The following ZSCAN4 variants were observed in gnomAD, a reference collection of about 807,000 sequenced individuals.
ZSCAN4 encodes zinc finger and SCAN domain-containing protein 4.
Under a neutral mutation model 18.3 loss-of-function variants are expected in ZSCAN4, and 18 were observed. That is an observed-to-expected ratio of 0.98 (90% CI 0.68 to 1.46). The LOEUF is 1.46. Ranked by LOEUF, ZSCAN4 falls within the 40% of genes most tolerant of loss-of-function variation. The pLI is 0.00. For missense variants in ZSCAN4, 498 were observed against 511.4 expected, an observed-to-expected ratio of 0.97 and a Z score of 0.25; for synonymous variants, 193 against 180.3, an observed-to-expected ratio of 1.07 and a Z score of -0.57.
chr19:57,663,963 C>A (rs1983784969), upstream of ZSCAN4, among the ~76,000 whole-genome samples: 1 of 152,000 alleles, frequency 6.6e-6, no homozygotes, highest in Admixed American at 6.5e-5. Flanking sequence ...CCCGTCTCTA[C>A]TAAAAACACC....
chr19:57,651,917 A>G, the ZSCAN4 span, among the ~76,000 whole-genome samples: 1 of 152,000 alleles, frequency 6.6e-6, no homozygotes, highest in East Asian at 1.9e-4. Flanking sequence ...GATTCCTCTC[A>G]TATTTCCAGA....
chr19:57,659,684 G>A, the ZSCAN4 span, among the ~76,000 whole-genome samples: 1 of 152,036 alleles, frequency 6.6e-6, no homozygotes, highest in South Asian at 2.1e-4. Flanking sequence ...TTTGTTCTAT[G>A]GGATGACTAA....
upstream of ZSCAN4, among the ~76,000 whole-genome samples, chr19:57,666,479 G>A (rs1983850762): frequency 6.6e-6 from 1 of 152,004 alleles, no homozygotes; most frequent in Admixed American, 6.6e-5. Context: ...ATTTAGAACC[G>A]GATGAATGTT....
chr19:57,665,842 G>T (rs1004572527), upstream of ZSCAN4, among the ~76,000 whole-genome samples: 2 of 152,114 alleles, frequency 1.3e-5, no homozygotes, highest in African/African-American at 4.8e-5. Flanking sequence ...AACCCGGGAG[G>T]TGGAGGTTGT....
intron 3 of ZSCAN4, among the ~76,000 whole-genome samples, 174 bp from the exon 4 acceptor site, chr19:57,677,740 T>C (rs931840791): frequency 6.6e-6 from 1 of 152,216 alleles, no homozygotes; most frequent in Non-Finnish European, 1.5e-5. Flanking sequence ...CATGTGACTT[T>C]ATTAAACATA....
upstream of ZSCAN4, among the ~76,000 whole-genome samples, chr19:57,668,360 T>A (rs952664985): frequency 3.3e-5 from 5 of 152,112 alleles, no homozygotes; most frequent in Non-Finnish European, 4.4e-5. Context: ...GTATGGAGTA[T>A]ATGTGGATGA....
At chr19:57,661,953 C>T in the ZSCAN4 span, among the ~76,000 whole-genome samples, 5 of 151,792 alleles carry the variant, frequency 3.3e-5, no homozygotes, top group African/African-American at 1.2e-4. Context: ...TGGTGGTGCA[C>T]GCCTGTAGTC....
At chr19:57,659,841 C>T in the ZSCAN4 span, among the ~76,000 whole-genome samples, 1 of 152,144 alleles carries the variant, frequency 6.6e-6, no homozygotes, top group Non-Finnish European at 1.5e-5. Flanking sequence ...TTTATTTTTA[C>T]TTTTTCATTT....
the ZSCAN4 span, among the ~76,000 whole-genome samples, chr19:57,656,317 G>A: frequency 6.6e-6 from 1 of 152,152 alleles, no homozygotes; most frequent in Non-Finnish European, 1.5e-5. Flanking sequence ...ACACCCAGGA[G>A]GAACAAGTCA....
chr19:57,661,693 T>C, the ZSCAN4 span, among the ~76,000 whole-genome samples: 4 of 152,136 alleles, frequency 2.6e-5, no homozygotes, highest in African/African-American at 9.7e-5. Context: ...GCTATTGAGG[T>C]AAAAGTGAGT....
chr19:57,674,551 T>C (rs570261513), intron 2 of ZSCAN4, among the ~76,000 whole-genome samples: 1 of 152,344 alleles, frequency 6.6e-6, no homozygotes, highest in Non-Finnish European at 1.5e-5. Context: ...ATTTCACATT[T>C]TCTTTATCCA....
the ZSCAN4 span, among the ~76,000 whole-genome samples, chr19:57,652,327 A>T: frequency 1.3e-5 from 2 of 152,158 alleles, no homozygotes; most frequent in Non-Finnish European, 2.9e-5. Context: ...TGAACTTCCA[A>T]ATTCAACGTG....
At chr19:57,678,421 G>A (rs1306532430) in exon 5 of ZSCAN4, 2 of 1,614,014 alleles carry the variant, frequency 1.2e-6, no homozygotes, top group South Asian at 1.1e-5. Context: ...ATGGGAGCAG[G>A]GTGTATCTCT....
At chr19:57,666,172 G>A (rs1013186966), upstream of ZSCAN4, among the ~76,000 whole-genome samples, 1 of 152,168 alleles carries the variant, frequency 6.6e-6, no homozygotes, top group Admixed American at 6.5e-5. Context: ...GGTTCCTACA[G>A]GTCCTGTACA....
rs777863769 is a variant in ZSCAN4 at position 57,676,420 on chromosome 19, TTA to T, written c.277_278del (p.Met93AspfsTer7). 2.5e-6 allele frequency: 4 copies of T among 1,614,196 alleles called. No homozygotes were observed. The South Asian group carries it at 4.4e-5, about 18-fold the overall frequency. On this transcript the variant is annotated frameshift_variant, in exon 3 of 5. Transcript: ENST00000318203. LOFTEE classifies it high-confidence loss of function. ...ATTTCTCTATTAGTCCTGGAGCAGT[TTA>T]TGATTGGTGGCCACTGCAATGACAA... is the stretch of plus-strand genomic sequence containing the variant.
chr19:57,663,520 T>TAAAAAAAAAAAAAAAAAAAAA, the ZSCAN4 span, among the ~76,000 whole-genome samples: 6 of 66,572 alleles, frequency 9.0e-5, 1 homozygote, highest in African/African-American at 3.9e-4. Context: ...ACCATGTCTC[T>TAAAAAAAAAAAAAAAAAAAAA]AAAAAAAAAA....
chr19:57,666,168 T>C (rs1054469031), upstream of ZSCAN4, among the ~76,000 whole-genome samples: 3 of 152,200 alleles, frequency 2.0e-5, no homozygotes, highest in Non-Finnish European at 2.9e-5. Context: ...CCATGGTTCC[T>C]ACAGGTCCTG....
At chr19:57,662,535 T>C in the ZSCAN4 span, among the ~76,000 whole-genome samples, 1 of 152,198 alleles carries the variant, frequency 6.6e-6, no homozygotes, top group South Asian at 2.1e-4. Flanking sequence ...CAAATATTTT[T>C]ACCGCTGAGA....
At chr19:57,677,920 G>A (rs1984234821) in exon 4 of ZSCAN4, 5 of 1,537,476 alleles carry the variant, frequency 3.3e-6, no homozygotes, top group South Asian at 1.3e-5. Flanking sequence ...ACAGGTCCAC[G>A]TCCACATGCA....
Sources: allele counts gnomAD v4.1 joint callset (sites outside exome capture counted in the v4.1 genomes callset), GRCh38; gene constraint gnomAD v4.1.1; transcripts MANE v1.5; gene names NCBI Gene and HGNC (gene_info 2026-07-23, HGNC 2026-07-21).